Variants in ENOX1 observed in about 807,000 individuals in gnomAD.
ENOX1 encodes the protein ecto-NOX disulfide-thiol exchanger 1, also known as candidate growth-related and time keeping constitutive hydroquinone (NADH) oxidase.
ENOX1 carries 42 observed loss-of-function variants against 82.5 expected under a neutral mutation model. The ratio of observed to expected loss-of-function variants is 0.51; its 90% confidence interval spans 0.40 to 0.66. ENOX1 has a LOEUF of 0.66. ENOX1 is among the 30% of genes least tolerant of loss of function. The pLI is 0.00. For synonymous variants in ENOX1, 271 were observed against 282.2 expected (o/e 0.96, Z 0.40); for missense variants, 608 against 811.6 (o/e 0.75, Z 3.05).
chr13:43,500,180 G>A (rs577019378), intron 2 of ENOX1, among the ~76,000 whole-genome samples: 2 of 152,154 alleles, frequency 1.3e-5, no homozygotes, highest in South Asian at 4.1e-4. Context: ...GGAACAGAAA[G>A]CTTATTTAAA....
intron 3 of ENOX1, among the ~76,000 whole-genome samples, chr13:43,416,159 A>AGAT (rs2054507383): frequency 7.2e-6 from 1 of 138,492 alleles, no homozygotes; most frequent in Non-Finnish European, 1.5e-5. Context: ...CTCAGTTCCC[A>AGAT]GATGGGGCAG....
intron 5 of ENOX1, among the ~76,000 whole-genome samples, chr13:43,408,501 T>C (rs989214569): frequency 3.3e-5 from 5 of 152,238 alleles, no homozygotes; most frequent in African/African-American, 1.2e-4. Flanking sequence ...CTAAATAATC[T>C]TTAAGTCCCT....
At chr13:43,535,191 TATC>T (rs1382607007) in intron 2 of ENOX1, among the ~76,000 whole-genome samples, 4 of 152,194 alleles carry the variant, frequency 2.6e-5, no homozygotes. Context: ...CTGCTATCAT[TATC>T]ATCATCATTA....
At chr13:43,280,979 G>A (rs1248043754) in intron 12 of ENOX1, among the ~76,000 whole-genome samples, 3 of 152,176 alleles carry the variant, frequency 2.0e-5, no homozygotes, top group African/African-American at 7.2e-5. Context: ...GGCTGGTCTG[G>A]AACCCAACAT....
intron 1 of ENOX1, among the ~76,000 whole-genome samples, chr13:43,672,764 A>G (rs2085328417): frequency 6.6e-6 from 1 of 152,210 alleles, no homozygotes; most frequent in African/African-American, 2.4e-5. Flanking sequence ...TGAGATCTCC[A>G]ATATAAATTT....
intron 2 of ENOX1, among the ~76,000 whole-genome samples, chr13:43,651,612 G>T (rs926859215): frequency 1.3e-5 from 2 of 150,710 alleles, no homozygotes; most frequent in Non-Finnish European, 3.0e-5. Flanking sequence ...CAGGAGAATC[G>T]CTTGGACCCA....
At chr13:43,270,106 T>G (rs2044602181) in intron 12 of ENOX1, among the ~76,000 whole-genome samples, 2 of 152,172 alleles carry the variant, frequency 1.3e-5, no homozygotes, top group Non-Finnish European at 2.9e-5. Flanking sequence ...ACTGCTGATA[T>G]AAACTGTCAA....
At chr13:43,563,909 A>C (rs2079802320) in intron 2 of ENOX1, among the ~76,000 whole-genome samples, 1 of 152,134 alleles carries the variant, frequency 6.6e-6, no homozygotes, top group Admixed American at 6.5e-5. Flanking sequence ...GAATTCTCCC[A>C]AACATTTAAA....
intron 2 of ENOX1, among the ~76,000 whole-genome samples, chr13:43,498,771 A>C (rs1433671953): frequency 1.3e-5 from 2 of 152,084 alleles, no homozygotes; most frequent in East Asian, 3.9e-4. Context: ...AAAATGACTC[A>C]AAGTAGTATC....
At chr13:43,721,533 T>C (rs1371072502) in intron 1 of ENOX1, among the ~76,000 whole-genome samples, 1 of 149,264 alleles carries the variant, frequency 6.7e-6, no homozygotes, top group Non-Finnish European at 1.5e-5. Flanking sequence ...CGCCCGCCAC[T>C]ACGCCCGGCT....
At chr13:43,354,900 T>C (rs1389581687) in intron 8 of ENOX1, among the ~76,000 whole-genome samples, 2 of 152,256 alleles carry the variant, frequency 1.3e-5, no homozygotes, top group Non-Finnish European at 2.9e-5. Flanking sequence ...TTTCAAATTA[T>C]GCCTCCTCTA....
At position 43,646,234 on chromosome 13, in the gene ENOX1, C is replaced by T. The variant is rs74393869; in HGVS notation, c.-219+21245G>A. Among the ~76,000 whole-genome samples the T allele has an allele frequency of 2.7e-3, 415 of 152,286 alleles. 1 individual carries two copies. The highest frequency in any genetic ancestry group is 4.8e-3 in the Non-Finnish European group (327 of 68,030). Reference sequence around the variant, plus strand: ...TCCTTTATGTCTGATCCAGGAGTTTCGTGTCTTCTGCGAGCATGTATGAAT... The same window carrying T: ...TCCTTTATGTCTGATCCAGGAGTTTTGTGTCTTCTGCGAGCATGTATGAAT... On this transcript the variant is annotated intron_variant, in intron 2 of 16. Transcript: ENST00000690772.
intron 2 of ENOX1, among the ~76,000 whole-genome samples, chr13:43,628,897 G>C (rs2083086365): frequency 6.6e-6 from 1 of 152,092 alleles, no homozygotes. Context: ...ATCTCTCTGT[G>C]GCCTCCTCAG....
intron 3 of ENOX1, among the ~76,000 whole-genome samples, chr13:43,434,951 T>G (rs1462702418): frequency 1.8e-4 from 26 of 146,912 alleles, no homozygotes; most frequent in African/African-American, 5.0e-4. Flanking sequence ...TTTTTTTTTT[T>G]TTTTTTTTTT....
chr13:43,759,096 T>TC (rs1950816494), intron 1 of ENOX1, among the ~76,000 whole-genome samples: 1 of 66,338 alleles, frequency 1.5e-5, no homozygotes, highest in South Asian at 7.5e-4. Flanking sequence ...CTGATAAGTT[T>TC]CTTTTTTTTT....
intron 2 of ENOX1, among the ~76,000 whole-genome samples, chr13:43,618,169 T>C (rs1202043693): frequency 6.6e-6 from 1 of 152,190 alleles, no homozygotes; most frequent in Non-Finnish European, 1.5e-5. Context: ...GTATAGACTG[T>C]GAAGATTTTC....
At chr13:43,411,302 C>A (rs1023529207) in intron 5 of ENOX1, among the ~76,000 whole-genome samples, 2 of 152,162 alleles carry the variant, frequency 1.3e-5, no homozygotes, top group African/African-American at 4.8e-5. Context: ...AAATCCTCAG[C>A]AAACACCTGT....
In ENOX1 at chr13:43,730,515, A is replaced by C. The variant is rs560356183; in HGVS notation, c.-285+56137T>G. Among the ~76,000 whole-genome samples, 316 of 152,318 alleles carry C rather than the reference A, an allele frequency of 2.1e-3. 2 individuals are homozygous for C. The highest frequency in any genetic ancestry group is 3.5e-3 in the Non-Finnish European group (241 of 68,034). On this transcript the variant is annotated intron_variant, in intron 1 of 16. Transcript: ENST00000690772. ...TCTTCTGTTTTGCCTGGAGAAATCA[A>C]TAAGTCTCCTACCTGGTCTGCATGG...
intron 1 of ENOX1, among the ~76,000 whole-genome samples, chr13:43,774,864 T>A (rs1360417070): frequency 6.6e-6 from 1 of 152,142 alleles, no homozygotes; most frequent in African/African-American, 2.4e-5. Flanking sequence ...TTTCTTTTTT[T>A]TTGAGATGGA....
Sources: allele counts gnomAD v4.1 joint callset (sites outside exome capture counted in the v4.1 genomes callset), GRCh38; gene constraint gnomAD v4.1.1; transcripts MANE v1.5; gene names NCBI Gene and HGNC (gene_info 2026-07-23, HGNC 2026-07-21).